The following CTNNA3 variants were observed in gnomAD, a reference collection of about 807,000 sequenced individuals.
The protein encoded by CTNNA3 is catenin alpha 3.
Under a neutral mutation model 95.7 loss-of-function variants are expected in CTNNA3, and 76 were observed. That is an observed-to-expected ratio of 0.79 (90% CI 0.66 to 0.96). The LOEUF is 0.96. Among genes scored for constraint, CTNNA3 ranks in the 40% least tolerant of loss-of-function variants. CTNNA3 has a pLI of 0.00. For missense variants in CTNNA3, 1,191 were observed against 1,089.8 expected (o/e 1.09, Z -1.31); for synonymous variants, 431 against 374.4 (o/e 1.15, Z -1.74).
At chr10:67,239,938 A>G (rs1397961956) in intron 5 of CTNNA3, among the ~76,000 whole-genome samples, 2 of 152,176 alleles carry the variant, frequency 1.3e-5, no homozygotes, top group Non-Finnish European at 2.9e-5. Flanking sequence ...GAAAAAGCAA[A>G]CCTAAGAGGT....
chr10:66,445,640 A>C (rs1205127303), intron 11 of CTNNA3, among the ~76,000 whole-genome samples: 3 of 152,178 alleles, frequency 2.0e-5, no homozygotes, highest in African/African-American at 4.8e-5. Context: ...ACAAAGACAC[A>C]ACATACCAGA....
chr10:66,531,250 T>C (rs1357182905), intron 10 of CTNNA3, among the ~76,000 whole-genome samples: 1 of 152,086 alleles, frequency 6.6e-6, no homozygotes, highest in African/African-American at 2.4e-5. Flanking sequence ...CCCATTTTAA[T>C]CCAGCTCCAG....
chr10:66,180,148 T>C (rs1239119840), intron 13 of CTNNA3, among the ~76,000 whole-genome samples: 1 of 152,136 alleles, frequency 6.6e-6, no homozygotes, highest in Non-Finnish European at 1.5e-5. Flanking sequence ...GCTGGAAGTG[T>C]GTGTGCACAC....
At chr10:65,930,315 A>G (rs2077233258) in intron 17 of CTNNA3, among the ~76,000 whole-genome samples, 1 of 152,124 alleles carries the variant, frequency 6.6e-6, no homozygotes, top group Admixed American at 6.5e-5. Flanking sequence ...CCAAATGTAA[A>G]GCAACCCTCA....
intron 5 of CTNNA3, among the ~76,000 whole-genome samples, chr10:67,315,602 T>C (rs551765038): frequency 4.6e-5 from 7 of 152,212 alleles, no homozygotes; most frequent in African/African-American, 1.7e-4. Flanking sequence ...AATCTAACCA[T>C]TCAAACAAAC....
chr10:67,408,667 T>C (rs1845239864), intron 5 of CTNNA3, among the ~76,000 whole-genome samples: 1 of 152,162 alleles, frequency 6.6e-6, no homozygotes, highest in South Asian at 2.1e-4. Flanking sequence ...ATTCAGGACA[T>C]AGGCACAGGC....
At chr10:67,706,210 G>A (rs1301660003) in intron 1 of CTNNA3, among the ~76,000 whole-genome samples, 1 of 152,058 alleles carries the variant, frequency 6.6e-6, no homozygotes, top group African/African-American at 2.4e-5. Flanking sequence ...ATACTTTGAG[G>A]TGTAGATTAA....
chr10:66,135,013 G>A (rs1322055664), intron 13 of CTNNA3, among the ~76,000 whole-genome samples: 4 of 152,110 alleles, frequency 2.6e-5, no homozygotes, highest in Admixed American at 6.5e-5. Context: ...AATGTTTAAA[G>A]ATATTGTTGT....
intron 10 of CTNNA3, among the ~76,000 whole-genome samples, chr10:66,564,920 G>A (rs1842660098): frequency 6.6e-6 from 1 of 152,148 alleles, no homozygotes; most frequent in South Asian, 2.1e-4. Flanking sequence ...CATAAAGCTA[G>A]TAAAAGTCAG....
At chr10:66,266,590 A>G (rs930668969) in intron 13 of CTNNA3, among the ~76,000 whole-genome samples, 2 of 152,148 alleles carry the variant, frequency 1.3e-5, no homozygotes, top group South Asian at 2.1e-4. Flanking sequence ...AACAGACTCA[A>G]TGAGTCCCTG....
At chr10:67,440,970 C>A (rs1846490575) in intron 5 of CTNNA3, among the ~76,000 whole-genome samples, 1 of 151,460 alleles carries the variant, frequency 6.6e-6, no homozygotes, top group Admixed American at 6.6e-5. Flanking sequence ...CACCAGGGAC[C>A]AATACTGGCG....
At chr10:66,343,815 C>T (rs2092476971) in intron 12 of CTNNA3, among the ~76,000 whole-genome samples, 1 of 152,036 alleles carries the variant, frequency 6.6e-6, no homozygotes, top group Admixed American at 6.6e-5. Context: ...TGTATCGAAT[C>T]ATCACTATGT....
At chr10:66,697,588 T>C (rs1321752633) in intron 9 of CTNNA3, among the ~76,000 whole-genome samples, 1 of 152,108 alleles carries the variant, frequency 6.6e-6, no homozygotes, top group Non-Finnish European at 1.5e-5. Flanking sequence ...AATAGTACCT[T>C]ACAGAGTTGA....
At chr10:67,096,698 T>C (rs549229916) in intron 7 of CTNNA3, among the ~76,000 whole-genome samples, 1 of 152,006 alleles carries the variant, frequency 6.6e-6, no homozygotes, top group East Asian at 1.9e-4. Flanking sequence ...TGTAACTGTG[T>C]TTCCCTTCTC....
At chr10:67,566,043 G>GTA (rs772272609) in intron 3 of CTNNA3, among the ~76,000 whole-genome samples, 652 of 26,924 alleles carry the variant, frequency 0.024, 75 homozygotes, top group Non-Finnish European at 0.033. Context: ...ATGTGTGTGT[G>GTA]TATATATATA....
chr10:67,746,187 T>C (rs1253654467), intron 1 of CTNNA3, among the ~76,000 whole-genome samples: 1 of 151,990 alleles, frequency 6.6e-6, no homozygotes, highest in African/African-American at 2.4e-5. Flanking sequence ...TACAAAGCTA[T>C]AGTAACAAAA....
At chr10:65,962,776 A>G (rs969544490) in intron 17 of CTNNA3, among the ~76,000 whole-genome samples, 2 of 137,490 alleles carry the variant, frequency 1.5e-5, no homozygotes. Context: ...CTCATTGTTC[A>G]ACTCCCACTT....
intron 7 of CTNNA3, among the ~76,000 whole-genome samples, chr10:67,085,327 C>A (rs1857244428): frequency 6.6e-6 from 1 of 151,522 alleles, no homozygotes; most frequent in Admixed American, 6.6e-5. Context: ...AAAAGAAATA[C>A]TACATCCTAT....
intron 13 of CTNNA3, among the ~76,000 whole-genome samples, chr10:66,224,110 C>T (rs2089128862): frequency 6.6e-6 from 1 of 152,166 alleles, no homozygotes; most frequent in South Asian, 2.1e-4. Context: ...ACTGTTTGAG[C>T]TGAGGCATCT....
Sources: allele counts gnomAD v4.1 joint callset (sites outside exome capture counted in the v4.1 genomes callset), GRCh38; gene constraint gnomAD v4.1.1; transcripts MANE v1.5; gene names NCBI Gene and HGNC (gene_info 2026-07-23, HGNC 2026-07-21).